ZFYVE1: variants seen among roughly 807,000 people sequenced by gnomAD.
ZFYVE1 encodes the protein zinc finger FYVE-type containing 1, also known as zinc finger FYVE domain-containing protein 1.
A neutral mutation model predicts 74.4 loss-of-function variants in ZFYVE1; 30 were observed. The ratio of observed to expected loss-of-function variants is 0.40; its 90% CI spans 0.30 to 0.55. ZFYVE1 has a LOEUF of 0.55. ZFYVE1 is among the 20% of genes least tolerant of loss of function. The pLI, the probability that ZFYVE1 is intolerant of heterozygous loss-of-function variation, is 0.42. For synonymous variants in ZFYVE1, 335 were observed against 385.1 expected (o/e 0.87, Z 1.52); for missense variants, 703 against 1,011.6 (o/e 0.69, Z 4.14).
Position 73,024,076 on chromosome 14 carries a change from T to A in ZFYVE1, c.433A>T (p.Thr145Ser). Residue 145 changes from threonine to serine, a missense_variant, in exon 2 of 12, where the codon ACT becomes TCT. Thr to Ser is a moderately conservative substitution (Grantham distance 58). Coordinates refer to ENST00000556143, the MANE Select transcript of ZFYVE1 (RefSeq NM_021260.4). ...MDEETKRKKM[T>S]EKVVSFLLVD... is the part of the protein sequence containing the mutation. ...AGGAGGAAACTCACAACCTTCTCAG[T>A]CATCTTCTTCCTCTTGGTCTCCTCA... 6.2e-7 allele frequency: 1 copy of A among 1,614,154 alleles called. No individual in the cohort carries two copies. Among genetic ancestry groups the A allele is most frequent in the Non-Finnish European group, 8.5e-7 (1 of 1,180,026 alleles).
intron 6 of ZFYVE1, among the ~76,000 whole-genome samples, chr14:72,978,565 T>G (rs1396110120): frequency 2.9e-5 from 1 of 34,158 alleles, no homozygotes; most frequent in Admixed American, 4.8e-4. Context: ...AGACTCTGTC[T>G]CAAAAAAAAA....
chr14:72,973,672 G>T (rs1385864409), intron 11 of ZFYVE1, among the ~76,000 whole-genome samples: 1 of 152,230 alleles, frequency 6.6e-6, no homozygotes. Context: ...AACTGTCCCT[G>T]CCAAGGCACC....
chr14:72,998,301 T>G lies in ZFYVE1; in HGVS notation c.498A>C (p.Glu166Asp), dbSNP rs774207101. ...ENEEIQVTNE[E>D]DFIRKLDCKP... ...TGCAGTCCAATTTTCTAATAAAGTC[T>G]TCTTCATTTGTTACCTGCAAAAAAA... The change falls in exon 3 of 12, where the codon GAA becomes GAC. Residue 166 changes from glutamate to aspartate, a missense_variant. This residue lies in a region of ZFYVE1 where 211 missense variants were observed against 221.7 expected (regional missense o/e 0.95). Transcript: ENST00000556143. 1.4e-6 allele frequency: 2 copies of G among 1,466,310 alleles called. No individual in the cohort carries two copies. Among genetic ancestry groups the G allele is most frequent in the South Asian group, 1.5e-5 (1 of 64,758 alleles). 90.8% of individuals were successfully genotyped at this position (1,466,310 alleles called of 1,614,324 possible). A position where few individuals can be genotyped will look rare whatever the true frequency, so the allele number is the denominator to read the frequency against.
chr14:73,006,120 C>T (rs1274815008), intron 2 of ZFYVE1, among the ~76,000 whole-genome samples: 1 of 151,730 alleles, frequency 6.6e-6, no homozygotes, highest in Non-Finnish European at 1.5e-5. Context: ...GGGGTTTCAC[C>T]GTGTTAGCCA....
chr14:73,001,747 G>A (rs554841930), intron 2 of ZFYVE1, among the ~76,000 whole-genome samples: 9 of 56,194 alleles, frequency 1.6e-4, no homozygotes, highest in Non-Finnish European at 2.3e-4. Context: ...TGGGAGGCTC[G>A]AGACCAGCCT....
At chr14:73,004,993 CAAA>C (rs34755612) in intron 2 of ZFYVE1, among the ~76,000 whole-genome samples, 10 of 116,708 alleles carry the variant, frequency 8.6e-5, no homozygotes, top group African/African-American at 1.2e-4. Context: ...GACCCCGTCT[CAAA>C]AAAAAAAAAA....
In ZFYVE1 at chr14:72,975,171, G is replaced by A. The variant is rs757970227; in HGVS notation, c.1807-212C>T. 6 of 568,970 alleles carry A rather than the reference G, an allele frequency of 1.1e-5. No individual in the cohort carries two copies. The highest frequency in any genetic ancestry group is 1.5e-5 in the Non-Finnish European group (5 of 334,086). 35.2% of individuals were successfully genotyped at this position (568,970 alleles called of 1,614,324 possible). On this transcript the variant is annotated intron_variant, in intron 9 of 11. Coordinates refer to ENST00000556143, the MANE Select transcript of ZFYVE1 (RefSeq NM_021260.4). This position sits in a 1 kb window ranked among gnomAD's most constrained non-coding sequence, Gnocchi z 4.1. ...CCTTTCACTAAGTGTCTGGGTTGAA[G>A]CTGGGTGCTCTCTTGCTCTGGGTGC...
chr14:73,020,879 G>A (rs1243615047), intron 2 of ZFYVE1, among the ~76,000 whole-genome samples: 4 of 152,160 alleles, frequency 2.6e-5, no homozygotes, highest in Admixed American at 6.5e-5. Flanking sequence ...GATTATAGGC[G>A]TGAGCCACCA....
intron 2 of ZFYVE1, among the ~76,000 whole-genome samples, chr14:73,012,614 T>G (rs1894113971): frequency 6.6e-6 from 1 of 151,850 alleles, no homozygotes; most frequent in Non-Finnish European, 1.5e-5. Context: ...AGAGGGAGAT[T>G]TCGTCTCAAA....
chr14:72,991,591 TCAGATTTA>T (rs1893614891), intron 4 of ZFYVE1, among the ~76,000 whole-genome samples: 1 of 132,118 alleles, frequency 7.6e-6, no homozygotes, highest in Admixed American at 7.6e-5. Context: ...TGCACAGTGA[TCAGATTTA>T]CAGCCCCTTT....
Position 73,001,777 on chromosome 14 carries a change from C to T in ZFYVE1, c.484-3462G>A, listed in dbSNP as rs538490087. On this transcript the variant is annotated intron_variant, in intron 2 of 11. Transcript: ENST00000556143. Reference sequence around the variant, plus strand: ...CAGCCTGACCAACATGGAGAAACCCCGTCTCTACTAAAAATACAAAATTAG... The same window carrying T: ...CAGCCTGACCAACATGGAGAAACCCTGTCTCTACTAAAAATACAAAATTAG... Among the ~76,000 whole-genome samples the T allele has an allele frequency of 9.0e-4, 135 of 149,256 alleles. 1 individual carries two copies. Among genetic ancestry groups the T allele is most frequent in the Non-Finnish European group, 1.7e-3 (118 of 67,516 alleles).
chr14:72,995,079 TTTAC>T (rs955573737), intron 3 of ZFYVE1, among the ~76,000 whole-genome samples: 17 of 152,292 alleles, frequency 1.1e-4, no homozygotes, highest in East Asian at 5.8e-4. Flanking sequence ...TATTTATTTA[TTTAC>T]TTACTTACTT....
At chr14:73,002,728 C>T (rs980482748) in intron 2 of ZFYVE1, among the ~76,000 whole-genome samples, 1 of 147,878 alleles carries the variant, frequency 6.8e-6, no homozygotes, top group African/African-American at 2.5e-5. Context: ...GAGAATAAAA[C>T]ACGTTGCTTT....
At position 72,969,472 on chromosome 14, in the gene ZFYVE1, T is replaced by C. The variant is rs1252218860; in HGVS notation, c.*1410A>G. 2.1e-6 allele frequency: 1 copy of C among 471,762 alleles called. No individual in the cohort carries two copies. The highest frequency in any genetic ancestry group is 2.0e-5 in the African/African-American group (1 of 50,718). The allele number at this position is 471,762 out of a possible 1,614,324, so 29.2% of individuals were successfully genotyped here. On this transcript the variant is annotated 3_prime_UTR_variant, in exon 12 of 12. Transcript: ENST00000556143. ...GAGATGCAGGAAGATTCCTTTATGATGGCGAATTGGATGGTACACAGTTCT... is the reference window on the plus strand; with the variant it reads ...GAGATGCAGGAAGATTCCTTTATGACGGCGAATTGGATGGTACACAGTTCT...
chr14:72,981,131 C>CA (rs1475529863), intron 5 of ZFYVE1, among the ~76,000 whole-genome samples: 3 of 152,072 alleles, frequency 2.0e-5, no homozygotes, highest in Non-Finnish European at 4.4e-5. Context: ...GTGATGCATA[C>CA]ACAATTGAAG....
chr14:72,983,654 A>G (rs1411906718), intron 4 of ZFYVE1, among the ~76,000 whole-genome samples: 4 of 152,236 alleles, frequency 2.6e-5, no homozygotes, highest in African/African-American at 4.8e-5. Flanking sequence ...TAGTGCCGCA[A>G]TAAACATACG....
rs984727371 is a variant in ZFYVE1 at position 73,024,809 on chromosome 14, T to C, written c.-301A>G. The C allele has an allele frequency of 1.6e-5, 5 of 307,458 alleles. No individual in the cohort carries two copies. Among genetic ancestry groups the C allele is most frequent in the Non-Finnish European group, 3.0e-5 (5 of 166,494 alleles). The allele number at this position is 307,458 out of a possible 1,614,324, so 19.0% of individuals were successfully genotyped here. ...GACTTGGAAGGGTCTTTTATGGCTA[T>C]CTGAGAGAGGTCTGATGGGTTCACG... On this transcript the variant is annotated 5_prime_UTR_variant, in exon 2 of 12. Coordinates refer to ENST00000556143, the MANE Select transcript of ZFYVE1 (RefSeq NM_021260.4).
rs200986811 is a variant in ZFYVE1, at chr14:73,025,194, A to G, written c.-434-252T>C. Among the ~76,000 whole-genome samples, 14 of 150,516 alleles carry G rather than the reference A, an allele frequency of 9.3e-5. No individual in the cohort carries two copies. In the East Asian group the frequency reaches 2.6e-3, roughly 28 times the overall value. On this transcript the variant is annotated intron_variant, in intron 1 of 11. Transcript: ENST00000556143. ...AGCGATTCTCCTGCCTCAGCCTCCC[A>G]AGGAGCTGGGATTACACGCGCTAGC... is the stretch of plus-strand genomic sequence containing the variant.
At chr14:72,992,621 C>G (rs1320632472) in intron 4 of ZFYVE1, among the ~76,000 whole-genome samples, 1 of 111,196 alleles carries the variant, frequency 9.0e-6, no homozygotes, top group Admixed American at 8.5e-5. Context: ...AGGTGCCCCC[C>G]CCGCCCCTTG....
Sources: allele counts gnomAD v4.1 joint callset (sites outside exome capture counted in the v4.1 genomes callset), GRCh38; gene constraint gnomAD v4.1.1; regional missense constraint gnomAD v4.1.1; non-coding constraint Gnocchi (gnomAD v3.1); transcripts MANE v1.5; gene names NCBI Gene and HGNC (gene_info 2026-07-23, HGNC 2026-07-21).